SPATA6: variants seen among roughly 807,000 people sequenced by gnomAD.
The protein encoded by SPATA6 is spermatogenesis associated 6.
Under a neutral mutation model 65.3 loss-of-function variants are expected in SPATA6, and 56 were observed. The ratio of observed to expected loss-of-function variants is 0.86; its 90% confidence interval spans 0.69 to 1.07. The LOEUF is 1.07. Ranked by LOEUF, SPATA6 falls within the 50% of genes least tolerant of loss-of-function variation. The pLI is 0.00. For missense variants in SPATA6, 590 were observed against 594.8 expected, an observed-to-expected ratio of 0.99 and a Z score of 0.08; for synonymous variants, 199 against 213.2, an observed-to-expected ratio of 0.93 and a Z score of 0.58.
chr1:48,370,693 A>C lies in SPATA6; in HGVS notation c.910-10923T>G, dbSNP rs181273974. ...CTTTTTAAATCCTCACAACAACCTT[A>C]TAAGGTAGACGTTTTTATTATCTGT... On this transcript the variant is annotated intron_variant, in intron 9 of 12. Transcript: ENST00000371847. 3.6e-4 allele frequency among the ~76,000 whole-genome samples: 55 copies of C among 152,358 alleles called. No individual in the cohort carries two copies. In the East Asian group the frequency reaches 9.8e-3, roughly 27 times the overall value.
chr1:48,385,835 C>T (rs1570408554), intron 8 of SPATA6, among the ~76,000 whole-genome samples: 1 of 152,154 alleles, frequency 6.6e-6, no homozygotes. Context: ...CTGCATTATA[C>T]ATTCCAGGCC....
intron 9 of SPATA6, among the ~76,000 whole-genome samples, chr1:48,373,528 T>C (rs1456457903): frequency 6.6e-6 from 1 of 152,216 alleles, no homozygotes; most frequent in East Asian, 1.9e-4. Flanking sequence ...CCTCTGCCTG[T>C]TACCCAGTTC....
intron 9 of SPATA6, among the ~76,000 whole-genome samples, chr1:48,360,048 A>G (rs952376608): frequency 2.6e-5 from 4 of 152,180 alleles, no homozygotes; most frequent in Admixed American, 1.3e-4. Flanking sequence ...GGGTTCGCAT[A>G]GGGATGTGTG....
intron 9 of SPATA6, among the ~76,000 whole-genome samples, chr1:48,367,233 G>A (rs1057126780): frequency 3.9e-5 from 6 of 152,162 alleles, no homozygotes; most frequent in African/African-American, 1.4e-4. Context: ...GTCACTTTCG[G>A]AATAAGTGTG....
At chr1:48,292,477 G>A (rs182909198), downstream of SPATA6, among the ~76,000 whole-genome samples, 231 of 152,332 alleles carry the variant, frequency 1.5e-3, 1 homozygote, top group African/African-American at 5.0e-3. Flanking sequence ...AGATAATGCC[G>A]AAGTTGGCAG....
intron 5 of SPATA6, among the ~76,000 whole-genome samples, chr1:48,409,312 G>C (rs915100950): frequency 6.6e-6 from 1 of 152,218 alleles, no homozygotes; most frequent in African/African-American, 2.4e-5. Flanking sequence ...TCACATCCAG[G>C]TCACACTGAT....
chr1:48,390,710 G>A (rs1890319), intron 8 of SPATA6, among the ~76,000 whole-genome samples: 152,251 of 152,336 alleles, frequency 1, 76,083 homozygotes, highest in Middle Eastern at 1. Flanking sequence ...TCAATTTTTA[G>A]AACAGAAAAT....
chr1:48,438,641 G>A (rs762307220), intron 3 of SPATA6, among the ~76,000 whole-genome samples: 6 of 152,106 alleles, frequency 3.9e-5, no homozygotes, highest in Admixed American at 6.5e-5. Context: ...AGCGAGACTC[G>A]CCCATCTATC....
intron 11 of SPATA6, 150 bp downstream of exon 11, chr1:48,355,520 C>A: frequency 1.8e-6 from 1 of 556,782 alleles, no homozygotes; most frequent in Non-Finnish European, 3.2e-6. Flanking sequence ...AGATATGTTG[C>A]CTTGGGCAAA....
chr1:48,324,238 A>T (rs1463644598), intron 11 of SPATA6, among the ~76,000 whole-genome samples: 1 of 152,180 alleles, frequency 6.6e-6, no homozygotes, highest in Non-Finnish European at 1.5e-5. Context: ...GATTACAGGG[A>T]TGAGCCATCA....
chr1:48,355,518 T>A lies in SPATA6; in HGVS notation c.1194+152A>T, dbSNP rs920991574. 6.5e-5 allele frequency: 36 copies of A among 552,360 alleles called. No individual in the cohort carries two copies. In the African/African-American group the frequency reaches 6.9e-4, roughly 11 times the overall value. The allele number at this position is 552,360 out of a possible 1,614,324, so 34.2% of individuals were successfully genotyped here. A position where few individuals can be genotyped will look rare whatever the true frequency, so the allele number is the denominator to read the frequency against. On this transcript the variant is annotated intron_variant, in intron 11 of 12. Transcript: ENST00000371847. Reference sequence around the variant, plus strand: ...AGGTCAAGCAGGCATTTAGATATGTTGCCTTGGGCAAAACCACTGACTTCC... The same window carrying A: ...AGGTCAAGCAGGCATTTAGATATGTAGCCTTGGGCAAAACCACTGACTTCC...
At chr1:48,362,841 T>C (rs985038302) in intron 9 of SPATA6, among the ~76,000 whole-genome samples, 36 of 152,140 alleles carry the variant, frequency 2.4e-4, no homozygotes, top group African/African-American at 8.0e-4. Context: ...GCTATTTCTA[T>C]ACAAATGTAA....
chr1:48,421,598 C>G (rs1258780113), intron 3 of SPATA6, among the ~76,000 whole-genome samples: 2 of 151,994 alleles, frequency 1.3e-5, no homozygotes, highest in Non-Finnish European at 2.9e-5. Flanking sequence ...TATGAAAGTA[C>G]AGTAGAATGA....
At chr1:48,315,433 C>T (rs1464441896) in intron 11 of SPATA6, among the ~76,000 whole-genome samples, 1 of 151,506 alleles carries the variant, frequency 6.6e-6, no homozygotes, top group Non-Finnish European at 1.5e-5. Flanking sequence ...GAACCAAAGA[C>T]AAAAACGACA....
At chr1:48,445,528 C>T (rs567442272) in intron 3 of SPATA6, among the ~76,000 whole-genome samples, 84 of 151,910 alleles carry the variant, frequency 5.5e-4, no homozygotes, top group Middle Eastern at 3.4e-3. Flanking sequence ...GGCGTGGTGG[C>T]AGGCGCCTGT....
At chr1:48,456,364 A>G (rs1391442375) in intron 1 of SPATA6, among the ~76,000 whole-genome samples, 2 of 152,244 alleles carry the variant, frequency 1.3e-5, no homozygotes, top group Non-Finnish European at 2.9e-5. Context: ...ACAAAAAACA[A>G]TAATACCAGA....
intron 8 of SPATA6, among the ~76,000 whole-genome samples, chr1:48,386,198 G>A (rs1443146401): frequency 1.3e-5 from 2 of 152,090 alleles, no homozygotes; most frequent in Non-Finnish European, 1.5e-5. Flanking sequence ...TACACTTCGT[G>A]AAAATCCCCA....
chr1:48,465,384 G>A (rs956423044), intron 1 of SPATA6, among the ~76,000 whole-genome samples: 2 of 152,072 alleles, frequency 1.3e-5, no homozygotes, highest in Non-Finnish European at 2.9e-5. Flanking sequence ...AAGCAACTAC[G>A]TTTGTGATAA....
At chr1:48,402,034 C>T (rs1448761273) in intron 6 of SPATA6, among the ~76,000 whole-genome samples, 1 of 152,088 alleles carries the variant, frequency 6.6e-6, no homozygotes, top group Non-Finnish European at 1.5e-5. Flanking sequence ...GGAACTCGAA[C>T]CCAGATCTGT....
Sources: gnomAD v4.1 joint callset for allele counts (sites outside exome capture counted in the v4.1 genomes callset) on GRCh38, gnomAD v4.1.1 for gene constraint, MANE v1.5 for transcripts, NCBI Gene and HGNC (gene_info 2026-07-23, HGNC 2026-07-21) for gene names.